Variants in SLC14A1 observed in about 807,000 individuals in gnomAD.
The protein encoded by SLC14A1 is solute carrier family 14 member 1 (Kidd blood group), also known as urea transporter 1.
SLC14A1 carries 36 observed loss-of-function variants against 39.6 expected under a neutral mutation model. That is an observed-to-expected ratio of 0.91 (90% CI 0.70 to 1.20). The LOEUF (loss-of-function observed/expected upper bound fraction) is 1.20, where lower values mean the gene tolerates loss of function less well. Among genes scored for constraint, SLC14A1 ranks in the 50% most tolerant of loss-of-function variants. SLC14A1 has a pLI of 0.00. For missense variants in SLC14A1, 469 were observed against 478.7 expected (o/e 0.98, Z 0.19); for synonymous variants, 164 against 173.6 (o/e 0.94, Z 0.43).
chr18:45,728,625 G>A (rs2046936497), intron 2 of SLC14A1, among the ~76,000 whole-genome samples: 1 of 152,170 alleles, frequency 6.6e-6, no homozygotes, highest in Non-Finnish European at 1.5e-5. Flanking sequence ...CCACCACTTA[G>A]ATTATGAAAT....
intron 8 of SLC14A1, among the ~76,000 whole-genome samples, chr18:45,742,607 C>T (rs2047414623): frequency 6.6e-6 from 1 of 151,370 alleles, no homozygotes. Context: ...ATCTGTCCAC[C>T]CCGGCCTCCC....
At chr18:45,738,336 T>C (rs1039830344) in intron 6 of SLC14A1, among the ~76,000 whole-genome samples, 1 of 152,208 alleles carries the variant, frequency 6.6e-6, no homozygotes, top group Non-Finnish European at 1.5e-5. Flanking sequence ...AAAAGGGACA[T>C]GCTATGGCTA....
At chr18:45,742,214 T>C (rs1293411713) in intron 8 of SLC14A1, among the ~76,000 whole-genome samples, 1 of 151,992 alleles carries the variant, frequency 6.6e-6, no homozygotes, top group East Asian at 1.9e-4. Flanking sequence ...AGGAATTCTG[T>C]TTGGTGGAAA....
At chr18:45,741,772 A>G (rs947580941) in intron 8 of SLC14A1, among the ~76,000 whole-genome samples, 6 of 152,194 alleles carry the variant, frequency 3.9e-5, no homozygotes, top group African/African-American at 1.4e-4. Flanking sequence ...TTATCCTACA[A>G]CCTTTCAGCT....
chr18:45,745,256 C>T (rs1459266770), intron 8 of SLC14A1, among the ~76,000 whole-genome samples: 1 of 152,042 alleles, frequency 6.6e-6, no homozygotes, highest in Non-Finnish European at 1.5e-5. Flanking sequence ...AAAAAATTAT[C>T]GACTGTAGGT....
Position 45,724,220 on chromosome 18 carries a change from G to A in SLC14A1, c.-139G>A, listed in dbSNP as rs1338729115. 6.6e-6 allele frequency: 1 copy of A among 152,202 alleles called. No homozygotes were observed. The highest frequency in any genetic ancestry group is 1.5e-5 in the Non-Finnish European group (1 of 68,060). The allele number at this position is 152,202 out of a possible 1,614,324, so 9.4% of individuals were successfully genotyped here. A position where few individuals can be genotyped will look rare whatever the true frequency, so the allele number is the denominator to read the frequency against. Reference sequence around the variant, plus strand: ...AGCACTCTCCCTTGTCGTGGAGGTGGGCAAATCTTTATCAGCCACTGCCTT... The same window carrying A: ...AGCACTCTCCCTTGTCGTGGAGGTGAGCAAATCTTTATCAGCCACTGCCTT... On this transcript the variant is annotated 5_prime_UTR_variant, in exon 1 of 10. Coordinates refer to ENST00000321925, the MANE Select transcript of SLC14A1 (RefSeq NM_015865.7).
At chr18:45,749,715 C>T (rs2144868076) in intron 9 of SLC14A1, 63 bp from the exon 10 acceptor site, 1 of 1,597,372 alleles carries the variant, frequency 6.3e-7, no homozygotes. Flanking sequence ...AGGGGGATGC[C>T]TTGTGCAGCT....
intron 8 of SLC14A1, 22 bp from the exon 9 acceptor site, chr18:45,748,354 T>C: frequency 1.2e-6 from 2 of 1,613,784 alleles, no homozygotes; most frequent in Middle Eastern, 3.3e-4. Flanking sequence ...CATTGTTCTT[T>C]CCCTCCTTTT....
chr18:45,735,336 C>G (rs893249270), intron 5 of SLC14A1, among the ~76,000 whole-genome samples: 2 of 152,196 alleles, frequency 1.3e-5, no homozygotes, highest in Admixed American at 6.5e-5. Flanking sequence ...TGGGGTGGGG[C>G]CCGAGAATTT....
chr18:45,740,539 G>C (rs2047340429), intron 8 of SLC14A1, among the ~76,000 whole-genome samples: 1 of 145,268 alleles, frequency 6.9e-6, no homozygotes, highest in Non-Finnish European at 1.5e-5. Flanking sequence ...AAAAAAAAGA[G>C]AAAAGAAAAA....
intron 2 of SLC14A1, chr18:45,727,522 G>A: frequency 1.5e-6 from 2 of 1,338,940 alleles, no homozygotes; most frequent in Non-Finnish European, 2.0e-6. Flanking sequence ...GGTTGGCTGT[G>A]AGCTAAGCCA....
At chr18:45,735,648 C>T (rs1036496422) in intron 5 of SLC14A1, among the ~76,000 whole-genome samples, 1 of 152,206 alleles carries the variant, frequency 6.6e-6, no homozygotes, top group Non-Finnish European at 1.5e-5. Flanking sequence ...ACTGTACCCA[C>T]GGGTGTGTGG....
intron 6 of SLC14A1, among the ~76,000 whole-genome samples, chr18:45,737,265 T>A (rs1160599363): frequency 1.3e-5 from 2 of 152,214 alleles, no homozygotes; most frequent in Non-Finnish European, 2.9e-5. Context: ...GGGCCAGAGT[T>A]TGAGAACCAC....
rs1171063265 is a variant in SLC14A1 at position 45,724,964 on chromosome 18, G to T, written c.-71G>T. 1 of 152,118 alleles carries T rather than the reference G, an allele frequency of 6.6e-6. No homozygotes were observed. The allele number at this position is 152,118 out of a possible 1,614,324, so 9.4% of individuals were successfully genotyped here. A position where few individuals can be genotyped will look rare whatever the true frequency, so the allele number is the denominator to read the frequency against. ...TCCAATTACAGCTTTAAAGAAAACT[G>T]GGCATCTCCTGCTACTTAAAATCAA... On this transcript the variant is annotated 5_prime_UTR_variant, in exon 2 of 10. Transcript: ENST00000321925.
chr18:45,725,531 C>T (rs1036732579), intron 2 of SLC14A1, among the ~76,000 whole-genome samples: 12 of 152,160 alleles, frequency 7.9e-5, no homozygotes, highest in Non-Finnish European at 8.8e-5. Flanking sequence ...CAACCCCCAC[C>T]CCAAGATTAG....
rs778150490 is a variant in SLC14A1, at chr18:45,731,057, G to A, written c.194G>A (p.Gly65Asp). Residue 65 changes from glycine to aspartate, a missense_variant, in exon 4 of 10, where the codon GGC becomes GAC. Coordinates refer to ENST00000321925, the MANE Select transcript of SLC14A1 (RefSeq NM_015865.7). ...VLQFIDWILR[G>D]ISQVVFVNNP... ...CAGTTCATTGACTGGATTCTCCGGG[G>A]CATATCCCAAGTGGTGTTCGTCAAC... The A allele has an allele frequency of 3.7e-6, 6 of 1,614,134 alleles. No homozygotes were observed. The highest frequency in any genetic ancestry group is 5.1e-6 in the Non-Finnish European group (6 of 1,180,004).
At chr18:45,728,388 A>C (rs9966804) in intron 2 of SLC14A1, among the ~76,000 whole-genome samples, 631 of 152,242 alleles carry the variant, frequency 4.1e-3, no homozygotes, top group African/African-American at 0.014. Context: ...ATGCCACTTG[A>C]GTGTTTTCAT....
At chr18:45,727,332 G>A in intron 2 of SLC14A1, 2 of 1,551,608 alleles carry the variant, frequency 1.3e-6, no homozygotes, top group Non-Finnish European at 1.7e-6. Context: ...TGTTTGGAAG[G>A]ACCCTTTTGG....
At chr18:45,742,015 C>T (rs2144821662) in intron 8 of SLC14A1, among the ~76,000 whole-genome samples, 1 of 152,306 alleles carries the variant, frequency 6.6e-6, no homozygotes, top group East Asian at 1.9e-4. Flanking sequence ...CATGCAGTTC[C>T]TGCACAGAGT....
Sources: gnomAD v4.1 joint callset for allele counts (sites outside exome capture counted in the v4.1 genomes callset) on GRCh38, gnomAD v4.1.1 for gene constraint, MANE v1.5 for transcripts, NCBI Gene and HGNC (gene_info 2026-07-23, HGNC 2026-07-21) for gene names.